Variants in LARP4 observed in about 807,000 individuals in gnomAD.
LARP4 encodes La ribonucleoprotein 4.
In LARP4, 29 loss-of-function variants were observed where a neutral mutation model predicts 92.9. That is an observed-to-expected ratio of 0.31 (90% confidence interval 0.23 to 0.43). The LOEUF is 0.43. Among genes scored for constraint, LARP4 ranks in the 20% least tolerant of loss-of-function variants. The pLI, the probability that LARP4 is intolerant of heterozygous loss-of-function variation, is 1.00. For missense variants in LARP4, 732 were observed against 860.0 expected (o/e 0.85, Z 1.86); for synonymous variants, 279 against 284.1 (o/e 0.98, Z 0.18).
chr12:50,430,472 T>TC (rs1321097496), intron 3 of LARP4, 23 bp from the exon 4 acceptor site: 2 of 1,443,448 alleles, frequency 1.4e-6, no homozygotes, highest in African/African-American at 1.4e-5. Flanking sequence ...TAACTTTTTT[T>TC]CCCTCTTCTT....
chr12:50,470,946 T>C (rs1956862065), intron 13 of LARP4, among the ~76,000 whole-genome samples: 1 of 152,162 alleles, frequency 6.6e-6, no homozygotes, highest in African/African-American at 2.4e-5. Flanking sequence ...ATTTTAGGCT[T>C]TGTGGGCCAT....
intron 1 of LARP4, among the ~76,000 whole-genome samples, chr12:50,409,028 G>A (rs182486923): frequency 6.6e-6 from 1 of 151,894 alleles, no homozygotes; most frequent in African/African-American, 2.4e-5. Context: ...AAATTTATAG[G>A]GCAGAAAGTT....
chr12:50,445,176 C>T (rs1241966050), intron 8 of LARP4, among the ~76,000 whole-genome samples: 1 of 152,068 alleles, frequency 6.6e-6, no homozygotes, highest in Non-Finnish European at 1.5e-5. Context: ...AGTGTTGGGA[C>T]TATAGACGTG....
At chr12:50,430,078 T>TA (rs951251267) in intron 3 of LARP4, among the ~76,000 whole-genome samples, 47 of 152,184 alleles carry the variant, frequency 3.1e-4, no homozygotes, top group African/African-American at 1.1e-3. Context: ...ATAAAAATAA[T>TA]AAAAAATACA....
At position 50,478,218 on chromosome 12, in the gene LARP4, T is replaced by C. The variant is rs1272397007; in HGVS notation, c.*2354T>C. 1 of 152,192 alleles carries C rather than the reference T, an allele frequency of 6.6e-6. No homozygotes were observed. Among genetic ancestry groups the C allele is most frequent in the Admixed American group, 6.5e-5 (1 of 15,274 alleles). The allele number at this position is 152,192 out of a possible 1,614,324, so 9.4% of individuals were successfully genotyped here. A position where few individuals can be genotyped will look rare whatever the true frequency, so the allele number is the denominator to read the frequency against. On this transcript the variant is annotated 3_prime_UTR_variant, in exon 16 of 16. Transcript: ENST00000398473. ...AAAGTAGAAATTTAATTTGTAGATA[T>C]AACCTTTAAAAATTTTCTCATTAAG...
At chr12:50,414,942 C>T (rs567595887) in intron 1 of LARP4, among the ~76,000 whole-genome samples, 4 of 152,250 alleles carry the variant, frequency 2.6e-5, no homozygotes, top group South Asian at 2.1e-4. Context: ...CAGTGGCTCA[C>T]GCCTGTAATC....
chr12:50,436,786 A>T (rs542749597), intron 5 of LARP4, among the ~76,000 whole-genome samples: 27 of 152,382 alleles, frequency 1.8e-4, no homozygotes, highest in Admixed American at 1.6e-3. Context: ...AAAGTTAAAT[A>T]TAGCAAGTCT....
chr12:50,440,961 GCAACCTCCACCTC>G (rs1951115261), intron 7 of LARP4, among the ~76,000 whole-genome samples: 1 of 149,886 alleles, frequency 6.7e-6, no homozygotes, highest in South Asian at 2.1e-4. Flanking sequence ...TCGGCTCACT[GCAACCTCCACCTC>G]CTGGGTTCAA....
Position 50,479,654 on chromosome 12 carries a change from T to C in LARP4, c.*3790T>C, listed in dbSNP as rs1311642365. On this transcript the variant is annotated 3_prime_UTR_variant, in exon 16 of 16. Transcript: ENST00000398473. ...TTCGAGTTGACAGTTCCTAAAAGCGTAACTCAGATATTAATGGGCTGTGTA... is the reference window on the plus strand; with the variant it reads ...TTCGAGTTGACAGTTCCTAAAAGCGCAACTCAGATATTAATGGGCTGTGTA... 6.6e-6 allele frequency: 1 copy of C among 152,240 alleles called. No homozygotes were observed. Among genetic ancestry groups the C allele is most frequent in the African/African-American group, 2.4e-5 (1 of 41,466 alleles). The allele number at this position is 152,240 out of a possible 1,614,324, so 9.4% of individuals were successfully genotyped here.
chr12:50,413,159 G>T (rs1053657873), intron 1 of LARP4, among the ~76,000 whole-genome samples: 1 of 151,688 alleles, frequency 6.6e-6, no homozygotes. Flanking sequence ...GGAGTCAGAG[G>T]TTGCAATGAG....
At chr12:50,445,144 TC>T (rs1951813460) in intron 8 of LARP4, among the ~76,000 whole-genome samples, 1 of 152,046 alleles carries the variant, frequency 6.6e-6, no homozygotes, top group East Asian at 1.9e-4. Context: ...GGGCAAGCGA[TC>T]CCCCCACTAA....
At chr12:50,401,160 T>G in intron 1 of LARP4, 132 bp downstream of exon 1, 3 of 1,014,608 alleles carry the variant, frequency 3.0e-6, no homozygotes, top group Non-Finnish European at 4.7e-6. Flanking sequence ...ACACAGCACC[T>G]GGGCCGAGCA....
At chr12:50,453,414 A>G (rs1293420908) in intron 8 of LARP4, 46 bp from the exon 9 acceptor site, 2 of 1,116,344 alleles carry the variant, frequency 1.8e-6, no homozygotes. Context: ...GTATTTTTTA[A>G]AATATACACT....
In LARP4 at chr12:50,478,037, A is replaced by T. The variant is rs1423072049; in HGVS notation, c.*2173A>T. The T allele has an allele frequency of 6.6e-6, 1 of 152,506 alleles. No individual in the cohort carries two copies. Among genetic ancestry groups the T allele is most frequent in the African/African-American group, 2.4e-5 (1 of 41,444 alleles). The allele number at this position is 152,506 out of a possible 1,614,324, so 9.4% of individuals were successfully genotyped here. On this transcript the variant is annotated 3_prime_UTR_variant, in exon 16 of 16. Coordinates refer to ENST00000398473, the MANE Select transcript of LARP4 (RefSeq NM_052879.5). ...AAATGAAACATTACTTTTTTTAAACAATGTGTCACAAATGTAGGTCTGTAT... is the reference window on the plus strand; with the variant it reads ...AAATGAAACATTACTTTTTTTAAACTATGTGTCACAAATGTAGGTCTGTAT...
chr12:50,416,429 G>C (rs1454042802), intron 1 of LARP4: 1 of 152,164 alleles, frequency 6.6e-6, no homozygotes. Context: ...GGGATGGGAG[G>C]CTAAGGTGGG....
At position 50,468,269 on chromosome 12, in the gene LARP4, C is replaced by T. The variant is rs918692007; in HGVS notation, c.1545+1149C>T. Among the ~76,000 whole-genome samples, 26 of 150,580 alleles carry T rather than the reference C, an allele frequency of 1.7e-4. 1 individual carries two copies. The highest frequency in any genetic ancestry group is 6.1e-4 in the African/African-American group (25 of 41,232). On this transcript the variant is annotated intron_variant, in intron 13 of 15. Transcript: ENST00000398473. ...CTGGAATTACAAGCGTGAGCCACTG[C>T]GCCCGGCCCTGTATTTCTAATTAAC...
rs775022827 is a variant in LARP4, at chr12:50,475,671, T to C, written c.1982T>C (p.Val661Ala). ...GACAATGGAGCTCCTGAGAACTCCG[T>C]TGAGAAACCACATGAGAAGCCAGAA... ...NEDNGAPENS[V>A]EKPHEKPEAR... The change falls in exon 16 of 16, where the codon GTT becomes GCT. Residue 661 changes from valine (V) to alanine (A), a missense_variant. This residue lies in a region of LARP4 where 115 missense variants were observed against 129.1 expected (regional missense o/e 0.89). Coordinates refer to ENST00000398473, the MANE Select transcript of LARP4 (RefSeq NM_052879.5). The C allele has an allele frequency of 1.2e-6, 2 of 1,614,048 alleles. No individual in the cohort carries two copies. The highest frequency in any genetic ancestry group is 1.7e-6 in the Non-Finnish European group (2 of 1,180,024).
rs1264356461 is a variant in LARP4, at chr12:50,479,771, G to GC, written c.*3908dup. The stretch of plus-strand genomic sequence containing the variant: ...TTTTAACCTAATTCAGGTGTCCTTT[G>GC]CATCTCTTAAATGTTGGGGGTGGGG... On this transcript the variant is annotated 3_prime_UTR_variant, in exon 16 of 16. Transcript: ENST00000398473. The GC allele has an allele frequency of 2.0e-5, 3 of 151,952 alleles. No homozygotes were observed. Among genetic ancestry groups the GC allele is most frequent in the African/African-American group, 7.3e-5 (3 of 41,354 alleles). 9.4% of individuals were successfully genotyped at this position (151,952 alleles called of 1,614,324 possible).
chr12:50,414,077 C>T (rs1412295829), intron 1 of LARP4, among the ~76,000 whole-genome samples: 3 of 152,108 alleles, frequency 2.0e-5, no homozygotes, highest in East Asian at 3.8e-4. Context: ...GCCAACTCTT[C>T]AGAAGAGTTA....
Sources: allele counts gnomAD v4.1 joint callset (sites outside exome capture counted in the v4.1 genomes callset), GRCh38; gene constraint gnomAD v4.1.1; regional missense constraint gnomAD v4.1.1; transcripts MANE v1.5; gene names NCBI Gene and HGNC (gene_info 2026-07-23, HGNC 2026-07-21).